Variants in SLC38A6 observed in about 807,000 individuals in gnomAD.
SLC38A6 encodes the protein solute carrier family 38 member 6.
SLC38A6 carries 73 observed loss-of-function variants against 65.0 expected under a neutral mutation model. The ratio of observed to expected loss-of-function variants is 1.12; its 90% confidence interval spans 0.93 to 1.37. The LOEUF is 1.37. Ranked by LOEUF, SLC38A6 falls within the 40% of genes most tolerant of loss-of-function variation. The probability of loss-of-function intolerance (pLI) is 0.00; values close to 1 mark genes in which losing one functional copy is unlikely to be tolerated. For synonymous variants in SLC38A6, 183 were observed against 178.8 expected (o/e 1.02, Z -0.19); for missense variants, 561 against 531.1 (o/e 1.06, Z -0.55).
chr14:60,988,253 A>G (rs1049122696), intron 3 of SLC38A6, among the ~76,000 whole-genome samples: 2 of 152,094 alleles, frequency 1.3e-5, no homozygotes, highest in African/African-American at 2.4e-5. Context: ...CTGCTTCTCA[A>G]CCATCTTCCT....
chr14:61,052,159 T>A, intron 15 of SLC38A6, 24 bp downstream of exon 15: 1 of 1,499,082 alleles, frequency 6.7e-7, no homozygotes, highest in Non-Finnish European at 8.9e-7. Flanking sequence ...GTTTCTTTCT[T>A]TCAAGACTTC....
chr14:61,027,615 C>CCAGTT (rs1942367088), intron 5 of SLC38A6, among the ~76,000 whole-genome samples: 2 of 151,982 alleles, frequency 1.3e-5, no homozygotes, highest in Non-Finnish European at 2.9e-5. Context: ...TAAAACTTTT[C>CCAGTT]CAGTTCATTT....
rs541692437 is a variant in SLC38A6, at chr14:61,083,421, C to T, written c.1409-134C>T. The T allele has an allele frequency of 7.5e-5, 100 of 1,337,176 alleles. No homozygotes were observed. The African/African-American group carries it at 1.3e-3, about 18-fold the overall frequency. The allele number at this position is 1,337,176 out of a possible 1,614,324, so 82.8% of individuals were successfully genotyped here. On this transcript the variant is annotated intron_variant, in intron 16 of 16. Transcript: ENST00000354886. ...CTCAATTGTGTTCCAACCCCAAATTCGTAGGTTGAGGCCCCAATCCCCAGG... is the reference window on the plus strand; with the variant it reads ...CTCAATTGTGTTCCAACCCCAAATTTGTAGGTTGAGGCCCCAATCCCCAGG...
rs765792168 is a variant in SLC38A6 at position 61,050,508 on chromosome 14, A to G, written c.926-4A>G. On this transcript the variant is annotated splice_region_variant and splice_polypyrimidine_tract_variant and intron_variant, in intron 12 of 15. Transcript: ENST00000267488. ...TAATGTGATCCTTATTATTTTATTT[A>G]CAGACAAAGTGGAGTCAGAATTACT... is the stretch of plus-strand genomic sequence containing the variant. The G allele has an allele frequency of 1.3e-6, 2 of 1,500,572 alleles. No homozygotes were observed. The highest frequency in any genetic ancestry group is 2.3e-5 in the East Asian group (1 of 43,296). 93.0% of individuals were successfully genotyped at this position (1,500,572 alleles called of 1,614,324 possible).
In SLC38A6 at chr14:61,063,805, C is replaced by T. The variant is rs75030963; in HGVS notation, c.1290+11670C>T. Among the ~76,000 whole-genome samples, 1,294 of 152,278 alleles carry T rather than the reference C, an allele frequency of 8.5e-3. 23 individuals are homozygous for T. The highest frequency in any genetic ancestry group is 0.029 in the African/African-American group (1,219 of 41,546). ...TCAAGTCTCAGTGTAAGGCACACTA[C>T]GTAACCTCTATAAGCCTCCATGTTC... On this transcript the variant is annotated intron_variant, in intron 15 of 16. Coordinates refer to the SLC38A6 transcript ENST00000354886.
chr14:61,082,300 A>G (rs187839859), intron 16 of SLC38A6, among the ~76,000 whole-genome samples: 1 of 152,208 alleles, frequency 6.6e-6, no homozygotes, highest in Non-Finnish European at 1.5e-5. Flanking sequence ...CTACTTACTC[A>G]CTGGAAATTC....
chr14:61,004,892 A>T (rs1335882628), intron 3 of SLC38A6, among the ~76,000 whole-genome samples: 2 of 152,156 alleles, frequency 1.3e-5, no homozygotes, highest in African/African-American at 4.8e-5. Context: ...CAAAAAAGAG[A>T]ATTTTAGACC....
At chr14:61,046,580 A>G (rs1372265133) in intron 12 of SLC38A6, among the ~76,000 whole-genome samples, 1 of 152,214 alleles carries the variant, frequency 6.6e-6, no homozygotes, top group Admixed American at 6.5e-5. Context: ...AGGGTTTTAC[A>G]CAGAACTATA....
At position 61,061,152 on chromosome 14, in the gene SLC38A6, T is replaced by C. The variant is rs987968161; in HGVS notation, c.1290+9017T>C. On this transcript the variant is annotated intron_variant, in intron 15 of 16. Coordinates refer to the SLC38A6 transcript ENST00000354886. Reference sequence around the variant, plus strand: ...CGGCCATCTTGGCTCCTCCCCCAAGTGTTGAATTTTATCAGAAGCCTTTTC... The same window carrying C: ...CGGCCATCTTGGCTCCTCCCCCAAGCGTTGAATTTTATCAGAAGCCTTTTC... Among the ~76,000 whole-genome samples, 5 of 152,288 alleles carry C rather than the reference T, an allele frequency of 3.3e-5. No individual in the cohort carries two copies. In the East Asian group the frequency reaches 9.7e-4, roughly 29 times the overall value.
intron 16 of SLC38A6, among the ~76,000 whole-genome samples, chr14:61,080,355 A>G (rs977941148): frequency 2.0e-5 from 3 of 152,180 alleles, no homozygotes; most frequent in African/African-American, 7.2e-5. Context: ...TGTGATGCCA[A>G]ATGGACAAAG....
chr14:61,011,698 A>T (rs1001337361), intron 3 of SLC38A6, among the ~76,000 whole-genome samples: 1 of 152,168 alleles, frequency 6.6e-6, no homozygotes, highest in African/African-American at 2.4e-5. Flanking sequence ...TGATTTGCGT[A>T]TGTTGAACCA....
chr14:60,990,333 C>T lies in SLC38A6; in HGVS notation c.310+5530C>T, dbSNP rs182391323. 5.3e-5 allele frequency among the ~76,000 whole-genome samples: 8 copies of T among 152,226 alleles called. No homozygotes were observed. The East Asian group carries it at 1.4e-3, about 26-fold the overall frequency. ...GGTGTGAGTGATCTCTTTTCTTTTA[C>T]ACTCATTATCGGGCTCATGGTGATT... is the stretch of plus-strand genomic sequence containing the variant. On this transcript the variant is annotated intron_variant, in intron 3 of 15. Coordinates refer to ENST00000267488, the MANE Select transcript of SLC38A6 (RefSeq NM_153811.3).
intron 5 of SLC38A6, among the ~76,000 whole-genome samples, chr14:61,020,267 G>A (rs746068650): frequency 5.3e-5 from 8 of 151,932 alleles, no homozygotes; most frequent in South Asian, 2.1e-4. Context: ...CAATATCTTC[G>A]TTTTCTTTTA....
intron 15 of SLC38A6, among the ~76,000 whole-genome samples, chr14:61,075,831 G>GTGTGTGTGTGTGTT (rs2043392834): frequency 9.8e-6 from 1 of 102,180 alleles, no homozygotes; most frequent in Non-Finnish European, 2.1e-5. Flanking sequence ...GTGTGTGTGT[G>GTGTGTGTGTGTGTT]TATGTATTTG....
rs142161379 is a variant in SLC38A6, at chr14:61,031,707, T to C, written c.482+1184T>C. On this transcript the variant is annotated intron_variant, in intron 6 of 15. Transcript: ENST00000267488. Reference sequence around the variant, plus strand: ...ATAAACAATTCCTATAAGAAATAGCTATGTGAAATTCATTTTTGTATCTGC... The same window carrying C: ...ATAAACAATTCCTATAAGAAATAGCCATGTGAAATTCATTTTTGTATCTGC... 7.2e-5 allele frequency among the ~76,000 whole-genome samples: 11 copies of C among 152,046 alleles called. No individual in the cohort carries two copies. In the East Asian group the frequency reaches 2.1e-3, roughly 29 times the overall value.
At chr14:61,075,946 C>T (rs2043401124) in intron 15 of SLC38A6, among the ~76,000 whole-genome samples, 1 of 152,056 alleles carries the variant, frequency 6.6e-6, no homozygotes, top group African/African-American at 2.4e-5. Context: ...ACCTCCACCT[C>T]CCAGGTTCAA....
intron 10 of SLC38A6, among the ~76,000 whole-genome samples, chr14:61,044,975 C>T (rs2042046950): frequency 2.0e-5 from 3 of 152,068 alleles, no homozygotes; most frequent in African/African-American, 4.8e-5. Context: ...ATTTAGAAGA[C>T]AGAGAATTAA....
chr14:61,032,940 A>T (rs2041100294), intron 6 of SLC38A6, among the ~76,000 whole-genome samples: 1 of 151,940 alleles, frequency 6.6e-6, no homozygotes, highest in African/African-American at 2.4e-5. Context: ...TGTACCTTTG[A>T]AATATAAATC....
chr14:61,043,374 T>C, intron 9 of SLC38A6, 76 bp from the exon 10 acceptor site: 1 of 1,251,696 alleles, frequency 8.0e-7, no homozygotes, highest in South Asian at 1.4e-5. Context: ...TAATAATAAA[T>C]TCATCATTTT....
Sources: allele counts gnomAD v4.1 joint callset (sites outside exome capture counted in the v4.1 genomes callset), GRCh38; gene constraint gnomAD v4.1.1; transcripts MANE v1.5; gene names NCBI Gene and HGNC (gene_info 2026-07-23, HGNC 2026-07-21).